SRGAP2B: variants seen among roughly 807,000 people sequenced by gnomAD.
SRGAP2B encodes SLIT-ROBO Rho GTPase-activating protein 2B.
SRGAP2B carries 9 observed loss-of-function variants against 22.2 expected under a neutral mutation model. The ratio of observed to expected loss-of-function variants is 0.41; its 90% CI spans 0.24 to 0.71. SRGAP2B has a LOEUF of 0.71. SRGAP2B is among the 30% of genes least tolerant of loss of function. The pLI is 0.35. For missense variants in SRGAP2B, 114 were observed against 235.8 expected (o/e 0.48, Z 3.38); for synonymous variants, 36 against 87.4 (o/e 0.41, Z 3.28).
chr1:145,044,790 G>A, intron 2 of SRGAP2B, among the ~76,000 whole-genome samples: 1 of 141,996 alleles, frequency 7.0e-6, no homozygotes, highest in East Asian at 2.2e-4. Context: ...GATATGAGGG[G>A]TAATATTAGT....
At chr1:144,926,937 T>A (rs1233736640) in intron 4 of SRGAP2B, among the ~76,000 whole-genome samples, 11 of 151,350 alleles carry the variant, frequency 7.3e-5, no homozygotes, top group South Asian at 2.1e-4. Flanking sequence ...TTCACTTAGA[T>A]CTATATTTTT....
intron 2 of SRGAP2B, among the ~76,000 whole-genome samples, chr1:145,088,578 C>T (rs1305392961): frequency 2.4e-5 from 3 of 125,988 alleles, no homozygotes; most frequent in Non-Finnish European, 5.0e-5. Flanking sequence ...CAATCTCAAG[C>T]TTTCTGGGAG....
rs1167732810 is a variant in SRGAP2B at position 144,910,180 on chromosome 1, GA to G, written c.487-4107del. On this transcript the variant is annotated intron_variant, in intron 5 of 9. Transcript: ENST00000612199. ...CAAAAGTTGGATGCAACAAAAAAGG[GA>G]ACATGTAGAGAACAAGAAAAGAGTT... Among the ~76,000 whole-genome samples the G allele has an allele frequency of 2.5e-4, 36 of 146,016 alleles. 2 individuals carry two copies. Among genetic ancestry groups the G allele is most frequent in the African/African-American group, 9.5e-4 (36 of 37,866 alleles).
rs1410275570 is a variant in SRGAP2B, at chr1:145,067,246, G to A, written c.67+25589C>T. On this transcript the variant is annotated intron_variant, in intron 2 of 9. Coordinates refer to ENST00000612199, the Ensembl canonical transcript of SRGAP2B. ...AGAGGTTGCAGTGAGCTGAGATCAC[G>A]CCATTGCACTCCAGCCTGGACAACA... 8.2e-5 allele frequency among the ~76,000 whole-genome samples: 12 copies of A among 145,714 alleles called. 1 individual carries two copies. Among genetic ancestry groups the A allele is most frequent in the African/African-American group, 7.9e-5 (3 of 37,798 alleles).
chr1:144,975,392 TGGG>T (rs1668821609), intron 3 of SRGAP2B, among the ~76,000 whole-genome samples: 1 of 149,714 alleles, frequency 6.7e-6, no homozygotes, highest in Admixed American at 6.6e-5. Context: ...GCTGGACCAC[TGGG>T]GGTTGTCTGG....
At chr1:144,954,793 C>G (rs1245298264) in intron 4 of SRGAP2B, among the ~76,000 whole-genome samples, 3 of 150,116 alleles carry the variant, frequency 2.0e-5, no homozygotes, top group South Asian at 2.1e-4. Flanking sequence ...CAAGGAAGTA[C>G]GATAACAATT....
intron 4 of SRGAP2B, among the ~76,000 whole-genome samples, chr1:144,920,083 T>A (rs1258988844): frequency 6.6e-6 from 1 of 150,746 alleles, no homozygotes; most frequent in African/African-American, 2.5e-5. Context: ...TACAATCCTT[T>A]AGCTAGACAC....
intron 4 of SRGAP2B, among the ~76,000 whole-genome samples, chr1:144,930,772 T>C (rs1394866276): frequency 6.7e-6 from 1 of 148,420 alleles, no homozygotes; most frequent in Non-Finnish European, 1.5e-5. Flanking sequence ...TCATGATATG[T>C]CTGGCATCTG....
At chr1:144,979,754 C>T (rs1553614780) in intron 3 of SRGAP2B, among the ~76,000 whole-genome samples, 1 of 151,362 alleles carries the variant, frequency 6.6e-6, no homozygotes, top group African/African-American at 2.5e-5. Flanking sequence ...CCCACTCTCA[C>T]CATGTGACAT....
intron 4 of SRGAP2B, among the ~76,000 whole-genome samples, chr1:144,925,727 AAAAGAAAGAAAGAAAG>A (rs202130146): frequency 0.011 from 1,176 of 104,108 alleles, 3 homozygotes; most frequent in South Asian, 0.022. Context: ...AGAGAGAAAG[AAAAGAAAGAAAGAAAG>A]AAAGAAAGAA....
At chr1:144,956,441 T>G (rs1312966265) in intron 3 of SRGAP2B, among the ~76,000 whole-genome samples, 2 of 121,998 alleles carry the variant, frequency 1.6e-5, no homozygotes, top group East Asian at 4.7e-4. Context: ...CTCATTCCCT[T>G]TTTTTTTTTT....
chr1:145,065,505 GA>G (rs1361655623), intron 2 of SRGAP2B, among the ~76,000 whole-genome samples: 1 of 134,668 alleles, frequency 7.4e-6, no homozygotes, highest in African/African-American at 2.9e-5. Flanking sequence ...CTGGGAAGGA[GA>G]ACCCACATAA....
At chr1:145,016,657 G>C (rs1672434664) in intron 2 of SRGAP2B, among the ~76,000 whole-genome samples, 1 of 98,798 alleles carries the variant, frequency 1.0e-5, no homozygotes, top group Admixed American at 1.1e-4. Context: ...GCTGACAAAA[G>C]TGAATCAGCC....
chr1:145,005,407 C>T (rs1366762575), intron 2 of SRGAP2B, among the ~76,000 whole-genome samples: 13 of 151,268 alleles, frequency 8.6e-5, no homozygotes, highest in East Asian at 1.9e-4. Flanking sequence ...CCAGACCCTA[C>T]GTTCCTGTAG....
At chr1:144,983,018 A>T (rs2258583) in intron 3 of SRGAP2B, among the ~76,000 whole-genome samples, 6 of 149,760 alleles carry the variant, frequency 4.0e-5, no homozygotes, top group African/African-American at 1.5e-4. Flanking sequence ...GCAACACCAG[A>T]TGCTACATCT....
chr1:145,064,759 T>C (rs1651311230), intron 2 of SRGAP2B, among the ~76,000 whole-genome samples: 1 of 150,150 alleles, frequency 6.7e-6, no homozygotes, highest in South Asian at 2.1e-4. Flanking sequence ...AGATAACGGA[T>C]AGGAAAGGGC....
intron 2 of SRGAP2B, among the ~76,000 whole-genome samples, chr1:145,005,953 A>G (rs1671559814): frequency 6.6e-6 from 1 of 150,650 alleles, no homozygotes; most frequent in African/African-American, 2.5e-5. Flanking sequence ...GCTCTGCCAG[A>G]TTCAGTTTAT....
At chr1:145,001,910 T>C (rs1253552573) in intron 2 of SRGAP2B, among the ~76,000 whole-genome samples, 1 of 148,576 alleles carries the variant, frequency 6.7e-6, no homozygotes, top group Non-Finnish European at 1.5e-5. Flanking sequence ...TAGTCCCAGC[T>C]ACTTGGGAGG....
chr1:144,937,021 A>AT (rs1320185344), intron 4 of SRGAP2B, among the ~76,000 whole-genome samples: 1 of 105,208 alleles, frequency 9.5e-6, no homozygotes, highest in African/African-American at 4.1e-5. Context: ...ATTAAGCAAG[A>AT]TTTAATCAAA....
Sources: gnomAD v4.1 joint callset for allele counts (sites outside exome capture counted in the v4.1 genomes callset) on GRCh38, gnomAD v4.1.1 for gene constraint, MANE v1.5 for transcripts, NCBI Gene and HGNC (gene_info 2026-07-23, HGNC 2026-07-21) for gene names.